GRIN2B: variants seen among roughly 807,000 people sequenced by gnomAD.
GRIN2B encodes the protein glutamate ionotropic receptor NMDA type subunit 2B.
GRIN2B carries 5 observed loss-of-function variants against 114.5 expected under a neutral mutation model. The observed-to-expected ratio is 0.04, with a 90% CI of 0.02 to 0.09. The LOEUF (loss-of-function observed/expected upper bound fraction) is 0.09, where lower values mean the gene tolerates loss of function less well. GRIN2B is among the 10% of genes least tolerant of loss of function. GRIN2B has a pLI of 1.00. For missense variants in GRIN2B, 1,108 were observed against 1,943.5 expected (o/e 0.57, Z 8.08); for synonymous variants, 787 against 745.1 (o/e 1.06, Z -0.92).
At chr12:13,956,360 G>A (rs1008587305) in intron 2 of GRIN2B, among the ~76,000 whole-genome samples, 10 of 152,196 alleles carry the variant, frequency 6.6e-5, no homozygotes, top group African/African-American at 2.4e-4. Flanking sequence ...CGAGGAGGCA[G>A]ATATGATTAG....
chr12:13,889,295 C>A (rs2136774686), intron 2 of GRIN2B, among the ~76,000 whole-genome samples: 1 of 152,214 alleles, frequency 6.6e-6, no homozygotes, highest in East Asian at 1.9e-4. Flanking sequence ...CATCATTGAC[C>A]AAAACATCAT....
chr12:13,594,812 C>G (rs1405039488), intron 10 of GRIN2B, among the ~76,000 whole-genome samples: 1 of 152,048 alleles, frequency 6.6e-6, no homozygotes, highest in Non-Finnish European at 1.5e-5. Flanking sequence ...CGTGTGATTT[C>G]AGGGCATTTC....
At chr12:13,888,091 GA>G (rs1324430624) in intron 2 of GRIN2B, among the ~76,000 whole-genome samples, 2 of 152,144 alleles carry the variant, frequency 1.3e-5, no homozygotes, top group Non-Finnish European at 2.9e-5. Flanking sequence ...AAGGGAAAGA[GA>G]ATGAGTGGAA....
intron 4 of GRIN2B, among the ~76,000 whole-genome samples, chr12:13,732,608 A>T (rs1345493167): frequency 6.6e-6 from 1 of 152,176 alleles, no homozygotes; most frequent in Non-Finnish European, 1.5e-5. Flanking sequence ...ATATTATTTC[A>T]TGTTTACTCA....
chr12:13,690,716 G>T (rs1950209736), intron 4 of GRIN2B, among the ~76,000 whole-genome samples: 1 of 152,242 alleles, frequency 6.6e-6, no homozygotes, highest in South Asian at 2.1e-4. Context: ...GATCGGTAGA[G>T]AAATCAAAAG....
At chr12:13,918,304 C>T (rs188116561) in intron 2 of GRIN2B, among the ~76,000 whole-genome samples, 1 of 152,296 alleles carries the variant, frequency 6.6e-6, no homozygotes, top group East Asian at 1.9e-4. Context: ...ACTCAGGAGA[C>T]TGAGGCAGGA....
intron 12 of GRIN2B, among the ~76,000 whole-genome samples, chr12:13,567,529 C>T (rs762721051): frequency 5.3e-5 from 8 of 152,134 alleles, no homozygotes; most frequent in Non-Finnish European, 7.3e-5. Flanking sequence ...ACGTTGCTCC[C>T]GCTCTCCATT....
At chr12:13,646,888 A>T (rs1445054417) in intron 5 of GRIN2B, among the ~76,000 whole-genome samples, 1 of 152,200 alleles carries the variant, frequency 6.6e-6, no homozygotes, top group Non-Finnish European at 1.5e-5. Context: ...GAGGAAGTAA[A>T]CAGCCATTTG....
At chr12:13,614,016 CA>C (rs77527098) in intron 8 of GRIN2B, among the ~76,000 whole-genome samples, 11,004 of 92,282 alleles carry the variant, frequency 0.12, 151 homozygotes, top group South Asian at 0.24. Flanking sequence ...CCTTGCACAG[CA>C]AAAAAAAAAA....
intron 3 of GRIN2B, among the ~76,000 whole-genome samples, chr12:13,807,121 T>C (rs928945354): frequency 6.6e-6 from 1 of 152,192 alleles, no homozygotes; most frequent in East Asian, 1.9e-4. Context: ...CCATTTCGTC[T>C]TGAAATTTTG....
chr12:13,941,325 T>C (rs1298642370), intron 2 of GRIN2B, among the ~76,000 whole-genome samples: 1 of 152,144 alleles, frequency 6.6e-6, no homozygotes, highest in Non-Finnish European at 1.5e-5. Context: ...CCCACAAACC[T>C]TGCAGCCAGA....
chr12:13,771,552 T>C (rs928379172), intron 3 of GRIN2B, among the ~76,000 whole-genome samples: 8 of 152,194 alleles, frequency 5.3e-5, no homozygotes, highest in African/African-American at 1.7e-4. Flanking sequence ...TGTGTGATCT[T>C]TGAAAGGTTA....
chr12:13,709,602 G>C (rs1458002191), intron 4 of GRIN2B, among the ~76,000 whole-genome samples: 1 of 151,938 alleles, frequency 6.6e-6, no homozygotes, highest in African/African-American at 2.4e-5. Context: ...TTAACTTACA[G>C]GTAACAAGTA....
chr12:13,860,192 G>A (rs372600588), intron 3 of GRIN2B, among the ~76,000 whole-genome samples: 9 of 152,320 alleles, frequency 5.9e-5, no homozygotes, highest in African/African-American at 1.9e-4. Flanking sequence ...GAGGATAGGG[G>A]AAGAGGGCCA....
rs150976312 is a variant in GRIN2B at position 13,675,659 on chromosome 12, G to T, written c.1125+86C>A. On this transcript the variant is annotated intron_variant, in intron 5 of 13. Transcript: ENST00000609686. ...TTGCTCCACAGGTCTAGGGACAAAA[G>T]CCAAAGGACTACTTTCCTTCATTGT... 6,390 of 839,440 alleles carry T rather than the reference G, an allele frequency of 7.6e-3. 37 individuals are homozygous for T. The highest frequency in any genetic ancestry group is 0.011 in the Non-Finnish European group (5,175 of 476,068). The allele number at this position is 839,440 out of a possible 1,614,324, so 52.0% of individuals were successfully genotyped here. A position where few individuals can be genotyped will look rare whatever the true frequency, so the allele number is the denominator to read the frequency against.
At chr12:13,952,873 T>C (rs765516283) in intron 2 of GRIN2B, among the ~76,000 whole-genome samples, 8 of 151,788 alleles carry the variant, frequency 5.3e-5, no homozygotes, top group Non-Finnish European at 1.5e-5. Context: ...TCATTGGCAT[T>C]CCAGTTCTGT....
intron 3 of GRIN2B, among the ~76,000 whole-genome samples, chr12:13,788,168 C>T (rs1359639541): frequency 6.6e-6 from 1 of 152,154 alleles, no homozygotes; most frequent in Non-Finnish European, 1.5e-5. Context: ...TATAATTTTT[C>T]TCCCAAAGTC....
rs1235898441 is a variant in GRIN2B, at chr12:13,540,213, G to GA, written c.*22569dup. ...ACAGTAAAGAAAGCACAAAGACCAA[G>GA]AAAAAAACTCTGATTCTGGATTTTT... On this transcript the variant is annotated 3_prime_UTR_variant, in exon 14 of 14. Transcript: ENST00000609686. The GA allele has an allele frequency of 7.9e-5, 12 of 152,060 alleles. No homozygotes were observed. In the South Asian group the frequency reaches 2.1e-3, roughly 26 times the overall value. 9.4% of individuals were successfully genotyped at this position (152,060 alleles called of 1,614,324 possible).
rs1591605471 is a variant in GRIN2B at position 13,563,269 on chromosome 12, G to A, written c.3969C>T (p.Ser1323=). 6.2e-7 allele frequency: 1 copy of A among 1,614,240 alleles called. No individual in the cohort carries two copies. Among genetic ancestry groups the A allele is most frequent in the Non-Finnish European group, 8.5e-7 (1 of 1,180,048 alleles). Residue 1323 remains serine (S), a synonymous_variant, in exon 14 of 14, where the codon AGC becomes AGT. Coordinates refer to ENST00000609686, the MANE Select transcript of GRIN2B (RefSeq NM_000834.5). ...CCATGAATCGGCCCTTGTCTTTCAG[G>A]CTTACGCTGCGCGGGGCCAGGGCGG... The part of the protein sequence containing the change: ...EEAALAPRSV[S]LKDKGRFMDG...
Sources: gnomAD v4.1 joint callset for allele counts (sites outside exome capture counted in the v4.1 genomes callset) on GRCh38, gnomAD v4.1.1 for gene constraint, MANE v1.5 for transcripts, NCBI Gene and HGNC (gene_info 2026-07-23, HGNC 2026-07-21) for gene names.